ZC3H6: variants seen among roughly 807,000 people sequenced by gnomAD.
ZC3H6 encodes zinc finger CCCH domain-containing protein 6.
In ZC3H6, 40 loss-of-function variants were observed where a neutral mutation model predicts 107.7. That is an observed-to-expected ratio of 0.37 (90% confidence interval 0.29 to 0.48). The LOEUF (loss-of-function observed/expected upper bound fraction) is 0.48. ZC3H6 is among the 20% of genes least tolerant of loss of function. The pLI is 0.98. For missense variants in ZC3H6, 1,267 were observed against 1,410.4 expected, an observed-to-expected ratio of 0.90 and a Z score of 1.63; for synonymous variants, 493 against 487.9, an observed-to-expected ratio of 1.01 and a Z score of -0.14.
chr2:112,338,997 C>T lies in ZC3H6; in HGVS notation c.*6509C>T, dbSNP rs1158079548. 6.6e-6 allele frequency: 1 copy of T among 150,408 alleles called. No homozygotes were observed. The highest frequency in any genetic ancestry group is 1.5e-5 in the Non-Finnish European group (1 of 67,514). The allele number at this position is 150,408 out of a possible 1,614,324, so 9.3% of individuals were successfully genotyped here. On this transcript the variant is annotated 3_prime_UTR_variant, in exon 12 of 12. Coordinates refer to ENST00000409871, the MANE Select transcript of ZC3H6 (RefSeq NM_198581.3). Reference sequence around the variant, plus strand: ...GCAACCTCTGCCTCCCAGGTTCAAGCAATTCTGCCTCAGCCTCCCGAGTAG... The same window carrying T: ...GCAACCTCTGCCTCCCAGGTTCAAGTAATTCTGCCTCAGCCTCCCGAGTAG...
intron 11 of ZC3H6, among the ~76,000 whole-genome samples, chr2:112,328,938 C>CA (rs11317176): frequency 2.1e-3 from 247 of 115,174 alleles, no homozygotes; most frequent in South Asian, 0.013. Flanking sequence ...GACTCTGTCT[C>CA]AAAAAAAAAA....
chr2:112,326,317 T>C (rs1444763224), intron 11 of ZC3H6, among the ~76,000 whole-genome samples: 2 of 152,160 alleles, frequency 1.3e-5, no homozygotes, highest in African/African-American at 4.8e-5. Context: ...TTCATTCTTT[T>C]AAACTTTTGG....
intron 1 of ZC3H6, 71 bp downstream of exon 1, chr2:112,276,097 G>A: frequency 6.9e-7 from 1 of 1,453,386 alleles, no homozygotes; most frequent in Non-Finnish European, 9.4e-7. Context: ...AGCGGGCCGG[G>A]GCCGGGCGCC....
intron 3 of ZC3H6, 115 bp downstream of exon 3, chr2:112,303,466 A>ATC: frequency 1.5e-6 from 1 of 672,716 alleles, no homozygotes. Context: ...TTGTTCAATC[A>ATC]TCACCACTTA....
chr2:112,293,976 C>G (rs1676171731), intron 1 of ZC3H6, among the ~76,000 whole-genome samples: 2 of 152,102 alleles, frequency 1.3e-5, no homozygotes, highest in African/African-American at 4.8e-5. Context: ...AGTTTTTTAG[C>G]CTACAGCTAC....
At chr2:112,281,333 T>A (rs996511254) in intron 1 of ZC3H6, among the ~76,000 whole-genome samples, 7 of 152,138 alleles carry the variant, frequency 4.6e-5, no homozygotes, top group Admixed American at 2.0e-4. Flanking sequence ...CTGGTATGAT[T>A]GAGGAAAACA....
intron 1 of ZC3H6, among the ~76,000 whole-genome samples, chr2:112,284,479 GTTA>G (rs1302935752): frequency 1.3e-5 from 2 of 151,238 alleles, no homozygotes; most frequent in African/African-American, 4.9e-5. Flanking sequence ...TATCCCTGAA[GTTA>G]TTATAATTTA....
chr2:112,294,501 G>A (rs554147672), intron 1 of ZC3H6, among the ~76,000 whole-genome samples: 118 of 152,308 alleles, frequency 7.7e-4, no homozygotes, highest in Non-Finnish European at 1.5e-3. Flanking sequence ...ATTATCCCAA[G>A]AAGTTTGCAT....
chr2:112,301,525 A>G (rs1456971653), intron 2 of ZC3H6, among the ~76,000 whole-genome samples: 2 of 152,160 alleles, frequency 1.3e-5, no homozygotes, highest in African/African-American at 2.4e-5. Context: ...GGCCCATTCC[A>G]TCCATTTTTT....
Position 112,317,285 on chromosome 2 carries a change from AT to A in ZC3H6, c.932del (p.Leu311TyrfsTer42). Reference protein sequence around the residue: ...LEKRKEICKFYLQGYCTKGEN... With the variant: ...LEKRKEICKFXLQGYCTKGEN... ...AAAAGAAAAGAGATCTGCAAATTTTATTTACAAGGATATTGTACCAAAGGAG... is the reference window on the plus strand; with the variant it reads ...AAAAGAAAAGAGATCTGCAAATTTTATTACAAGGATATTGTACCAAAGGAG... On this transcript the variant is annotated frameshift_variant, in exon 7 of 12. Transcript: ENST00000409871. LOFTEE classifies it high-confidence loss of function. The A allele has an allele frequency of 6.3e-7, 1 of 1,584,268 alleles. No homozygotes were observed. The highest frequency in any genetic ancestry group is 8.6e-7 in the Non-Finnish European group (1 of 1,168,588).
chr2:112,305,478 T>C (rs1676457841), intron 3 of ZC3H6, among the ~76,000 whole-genome samples: 2 of 152,232 alleles, frequency 1.3e-5, no homozygotes, highest in Non-Finnish European at 1.5e-5. Context: ...TATGCAGTTA[T>C]TTATTGTTAA....
intron 8 of ZC3H6, among the ~76,000 whole-genome samples, chr2:112,322,110 G>T (rs1450037317): frequency 2.4e-5 from 3 of 125,856 alleles, no homozygotes; most frequent in South Asian, 2.5e-4. Context: ...CCTCCTTCCC[G>T]TCTTCCCTCC....
intron 11 of ZC3H6, among the ~76,000 whole-genome samples, chr2:112,328,635 T>C (rs529944536): frequency 3.4e-4 from 52 of 152,318 alleles, no homozygotes; most frequent in African/African-American, 1.2e-3. Flanking sequence ...ATTTCAATTA[T>C]AAGCATTTTA....
At chr2:112,310,900 C>T (rs962479636) in intron 4 of ZC3H6, among the ~76,000 whole-genome samples, 3 of 152,062 alleles carry the variant, frequency 2.0e-5, no homozygotes, top group East Asian at 1.9e-4. Flanking sequence ...TATTTTTTCT[C>T]GATTTCCTAG....
chr2:112,286,277 C>T (rs1441494698), intron 1 of ZC3H6: 12 of 302,338 alleles, frequency 4.0e-5, no homozygotes, highest in South Asian at 6.3e-5. Flanking sequence ...GATGAGCCCT[C>T]GGCAGTTAGG....
In ZC3H6 at chr2:112,339,094, A is replaced by C. The variant is rs531946898; in HGVS notation, c.*6606A>C. Reference sequence around the variant, plus strand: ...TTTTTAGTAGAGATGGGGTTTCACCATGTTGGCCAGGCTGATTTCGAACTC... The same window carrying C: ...TTTTTAGTAGAGATGGGGTTTCACCCTGTTGGCCAGGCTGATTTCGAACTC... On this transcript the variant is annotated 3_prime_UTR_variant, in exon 12 of 12. Transcript: ENST00000409871. 5.3e-5 allele frequency: 8 copies of C among 151,670 alleles called. No homozygotes were observed. The highest frequency in any genetic ancestry group is 1.2e-4 in the African/African-American group (5 of 41,326). The allele number at this position is 151,670 out of a possible 1,614,324, so 9.4% of individuals were successfully genotyped here.
chr2:112,293,553 A>G (rs1382781123), intron 1 of ZC3H6, among the ~76,000 whole-genome samples: 1 of 152,258 alleles, frequency 6.6e-6, no homozygotes, highest in Non-Finnish European at 1.5e-5. Context: ...TAAATGCCGA[A>G]GGCCAAGTTT....
chr2:112,277,426 C>T (rs2104688405), intron 1 of ZC3H6, among the ~76,000 whole-genome samples: 1 of 151,948 alleles, frequency 6.6e-6, no homozygotes, highest in African/African-American at 2.4e-5. Flanking sequence ...ATCTGTTCCC[C>T]TCTCTTAGTG....
In ZC3H6 at chr2:112,322,825, T is replaced by A; in HGVS notation, c.1263T>A (p.Asp421Glu). The change falls in exon 9 of 12, where the codon GAT (aspartate) becomes GAA (glutamate). Residue 421 changes from aspartate (D) to glutamate (E), a missense_variant. Physicochemically the swap from Asp to Glu is conservative, Grantham distance 45 (BLOSUM62 2). Coordinates refer to ENST00000409871, the MANE Select transcript of ZC3H6 (RefSeq NM_198581.3). ...PEDDFQTDFSDDFRKIPSLFE... is the reference protein window; with the variant it reads ...PEDDFQTDFSEDFRKIPSLFE... ...ACGATTTTCAGACAGATTTCTCTGA[T>A]GATTTTAGGAAAATTCCATCTCTTT... 1 of 1,613,874 alleles carries A rather than the reference T, an allele frequency of 6.2e-7. No individual in the cohort carries two copies. Among genetic ancestry groups the A allele is most frequent in the Non-Finnish European group, 8.5e-7 (1 of 1,179,856 alleles).
Sources: allele counts gnomAD v4.1 joint callset (sites outside exome capture counted in the v4.1 genomes callset), GRCh38; gene constraint gnomAD v4.1.1; transcripts MANE v1.5; gene names NCBI Gene and HGNC (gene_info 2026-07-23, HGNC 2026-07-21).